The following ATG9B variants were observed in gnomAD, a reference collection of about 807,000 sequenced individuals.
The protein encoded by ATG9B is autophagy-related protein 9B.
In ATG9B, 92 loss-of-function variants were observed where a neutral mutation model predicts 92.9. That is an observed-to-expected ratio of 0.99 (90% CI 0.84 to 1.18). The LOEUF (loss-of-function observed/expected upper bound fraction) is 1.18, where lower values mean the gene tolerates loss of function less well. ATG9B is among the 50% of genes most tolerant of loss of function. The pLI is 0.00. For synonymous variants in ATG9B, 599 were observed against 551.4 expected, an observed-to-expected ratio of 1.09 and a Z score of -1.21; for missense variants, 1,344 against 1,235.0, an observed-to-expected ratio of 1.09 and a Z score of -1.32.
chr7:151,019,956 TC>T (rs1163990015), intron 5 of ATG9B: 2 of 152,230 alleles, frequency 1.3e-5, no homozygotes, highest in African/African-American at 4.8e-5. Context: ...AGCACTGCAC[TC>T]CAGCCTGGGT....
At position 151,023,933 on chromosome 7, in the gene ATG9B, T is replaced by C; in HGVS notation, c.491A>G (p.Asp164Gly). 6.3e-7 allele frequency: 1 copy of C among 1,593,902 alleles called. No individual in the cohort carries two copies. The highest frequency in any genetic ancestry group is 8.5e-7 in the Non-Finnish European group (1 of 1,170,466). ...LEDCDPEGSQ[D>G]SPIHGEEQQP... ...CTGCTCCTCCCCGTGGATGGGTGAGTCTTGGGACCCCTCAGGGTCACAGTC... is the reference window on the plus strand; with the variant it reads ...CTGCTCCTCCCCGTGGATGGGTGAGCCTTGGGACCCCTCAGGGTCACAGTC... The change falls in exon 1 of 14, where the codon GAC (aspartate) becomes GGC (glycine). Residue 164 changes from aspartate to glycine, a missense_variant. Coordinates refer to ENST00000639579, the MANE Select transcript of ATG9B (RefSeq NM_001317056.2).
chr7:151,015,809 C>T (rs566512088), intron 13 of ATG9B, 73 bp downstream of exon 13: 4 of 1,480,978 alleles, frequency 2.7e-6, no homozygotes, highest in African/African-American at 1.4e-5. Flanking sequence ...CTGCTCCCAT[C>T]GCTTCAAGTC....
At chr7:151,017,382 G>A in intron 8 of ATG9B, 110 bp from the exon 9 acceptor site, 3 of 1,090,716 alleles carry the variant, frequency 2.8e-6, no homozygotes, top group Non-Finnish European at 3.9e-6. Flanking sequence ...ACCACAATGG[G>A]GACTTGTTCA....
chr7:151,013,639 T>C, downstream of ATG9B: 4 of 1,320,138 alleles, frequency 3.0e-6, no homozygotes, highest in Non-Finnish European at 4.1e-6. Context: ...CCGGAGACTT[T>C]CACGTCCAGG....
chr7:151,016,592 C>T lies in ATG9B; in HGVS notation c.2424-65G>A. ...CTCCCGCCACACCCCAGAGGACTCC[C>T]CTTCTGAATCCCCCCTCAGCGCCCC... On this transcript the variant is annotated intron_variant, in intron 10 of 13. Transcript: ENST00000639579. The T allele has an allele frequency of 2.6e-6, 4 of 1,544,646 alleles. No homozygotes were observed. The South Asian group carries it at 4.8e-5, about 18-fold the overall frequency.
chr7:151,019,394 GAGCC>G lies in ATG9B; in HGVS notation c.964-24_964-21del, dbSNP rs773054193. On this transcript the variant is annotated intron_variant, in intron 5 of 13. Coordinates refer to ENST00000639579, the MANE Select transcript of ATG9B (RefSeq NM_001317056.2). ...CTCCTCCTGAAAGGGGCACTGATGA[GAGCC>G]AGCGACCCCCCATTCCTCTCCACAG... 1.3e-6 allele frequency: 2 copies of G among 1,500,864 alleles called. No individual in the cohort carries two copies. Among genetic ancestry groups the G allele is most frequent in the Non-Finnish European group, 1.8e-6 (2 of 1,133,096 alleles). 93.0% of individuals were successfully genotyped at this position (1,500,864 alleles called of 1,614,324 possible). A position where few individuals can be genotyped will look rare whatever the true frequency, so the allele number is the denominator to read the frequency against.
intron 3 of ATG9B, 113 bp downstream of exon 3, chr7:151,023,332 G>A: frequency 1.9e-6 from 3 of 1,597,888 alleles, no homozygotes; most frequent in Non-Finnish European, 2.6e-6. Flanking sequence ...GAGCCCTTGG[G>A]CTGCTCGGGA....
In ATG9B at chr7:151,018,310, A is replaced by C. The variant is rs1003340191; in HGVS notation, c.1856T>G (p.Leu619Arg). The C allele has an allele frequency of 1.3e-6, 2 of 1,574,678 alleles. No individual in the cohort carries two copies. ...CACCCTCACCGCTCGGTACTGCAGC[A>C]GCTGCGCCATCTGCCGGTAGGCGCG... ...RDRAYRQMAQ[L>R]LQYRAVSLLE... Residue 619 changes from leucine (L) to arginine (R), a missense_variant, in exon 7 of 14, where the codon CTG becomes CGG. Physicochemically the swap from Leu to Arg is moderately radical, Grantham distance 102. Coordinates refer to ENST00000639579, the MANE Select transcript of ATG9B (RefSeq NM_001317056.2). This position sits in a 1 kb window ranked among gnomAD's most constrained non-coding sequence, Gnocchi z 4.7.
chr7:151,022,799 G>A (rs910364415), intron 4 of ATG9B, among the ~76,000 whole-genome samples: 2 of 150,590 alleles, frequency 1.3e-5, no homozygotes, highest in African/African-American at 4.9e-5. Context: ...CCTCACCATT[G>A]CACTCCAGCC....
downstream of ATG9B, chr7:151,013,054 G>T: frequency 1.5e-6 from 1 of 667,682 alleles, no homozygotes; most frequent in Non-Finnish European, 2.5e-6. Flanking sequence ...GTAAATCAGG[G>T]CTGTGCAGGG....
downstream of ATG9B, chr7:151,012,217 TG>T: frequency 1.4e-6 from 1 of 723,470 alleles, no homozygotes; most frequent in Non-Finnish European, 2.1e-6. Flanking sequence ...AGTTGTTTTT[TG>T]TTTTTTGTTT....
In ATG9B at chr7:151,018,141, G is replaced by C. The variant is rs535852707; in HGVS notation, c.1873-91C>G. 1 of 1,469,754 alleles carries C rather than the reference G, an allele frequency of 6.8e-7. No homozygotes were observed. Among genetic ancestry groups the C allele is most frequent in the Non-Finnish European group, 9.0e-7 (1 of 1,108,894 alleles). 91.0% of individuals were successfully genotyped at this position (1,469,754 alleles called of 1,614,324 possible). ...GCAGTCCCCAGCGACCCTCGCCAGG[G>C]CAAGAAGCCTCCCCACCCAGTCACT... On this transcript the variant is annotated intron_variant, in intron 7 of 13. Transcript: ENST00000639579. This position sits in a 1 kb window ranked among gnomAD's most constrained non-coding sequence, Gnocchi z 4.7.
At chr7:151,012,863 T>C (rs1795336490), downstream of ATG9B, 2 of 343,216 alleles carry the variant, frequency 5.8e-6, no homozygotes, top group Non-Finnish European at 1.1e-5. Context: ...GGTCTGTCAA[T>C]CAAAAGAAGA....
At position 151,023,025 on chromosome 7, in the gene ATG9B, C is replaced by T; in HGVS notation, c.821+20G>A. The T allele has an allele frequency of 6.2e-7, 1 of 1,613,952 alleles. No individual in the cohort carries two copies. Among genetic ancestry groups the T allele is most frequent in the Non-Finnish European group, 8.5e-7 (1 of 1,179,968 alleles). On this transcript the variant is annotated intron_variant, in intron 4 of 13. Transcript: ENST00000639579. ...ACTGCCCATGCTTCACCCCCAGGGC[C>T]CCACCAGGTTGTCACTAACCTCTCA...
chr7:151,020,928 T>C (rs1795722181), intron 5 of ATG9B: 1 of 374,422 alleles, frequency 2.7e-6, no homozygotes, highest in African/African-American at 2.1e-5. Context: ...ATCAATGTTT[T>C]TAGCACAAAC....
downstream of ATG9B, chr7:151,012,324 G>A: frequency 1.3e-6 from 2 of 1,541,446 alleles, no homozygotes; most frequent in Non-Finnish European, 1.8e-6. Flanking sequence ...AGGCAAAGGG[G>A]ACCTGATGGA....
chr7:151,012,375 C>G, downstream of ATG9B: 1 of 1,581,160 alleles, frequency 6.3e-7, no homozygotes, highest in Non-Finnish European at 8.6e-7. Context: ...GGCTGCCACC[C>G]GATCCCAGCT....
chr7:151,022,939 C>T (rs1795804675), intron 4 of ATG9B, 106 bp downstream of exon 4: 1 of 1,473,226 alleles, frequency 6.8e-7, no homozygotes, highest in East Asian at 2.3e-5. Context: ...AGACCAAAAG[C>T]TTTGAGAACT....
At position 151,019,055 on chromosome 7, in the gene ATG9B, C is replaced by G. The variant is rs755399459; in HGVS notation, c.1283G>C (p.Arg428Pro). ...CCCCCAGCGCGCTGCTAGGGCGCCCCGCTGGTCGCTGCGCTTGTAGGCGTG... is the reference window on the plus strand; with the variant it reads ...CCCCCAGCGCGCTGCTAGGGCGCCCGGCTGGTCGCTGCGCTTGTAGGCGTG... The part of the protein sequence containing the change: ...LPHAYKRSDQ[R>P]GALAARWGRT... Residue 428 changes from arginine to proline, a missense_variant, in exon 6 of 14, where the codon CGG becomes CCG. Coordinates refer to ENST00000639579, the MANE Select transcript of ATG9B (RefSeq NM_001317056.2). The G allele has an allele frequency of 9.1e-6, 14 of 1,537,042 alleles. No homozygotes were observed. Among genetic ancestry groups the G allele is most frequent in the Non-Finnish European group, 1.1e-5 (13 of 1,146,736 alleles).
Sources: allele counts gnomAD v4.1 joint callset (sites outside exome capture counted in the v4.1 genomes callset), GRCh38; gene constraint gnomAD v4.1.1; non-coding constraint Gnocchi (gnomAD v3.1); transcripts MANE v1.5; gene names NCBI Gene and HGNC (gene_info 2026-07-23, HGNC 2026-07-21).